The following ARHGAP10 variants were observed in gnomAD, a reference collection of about 807,000 sequenced individuals.
ARHGAP10 encodes Rho GTPase activating protein 10.
In ARHGAP10, 87 loss-of-function variants were observed where a neutral mutation model predicts 108.6. The ratio of observed to expected loss-of-function variants is 0.80; its 90% CI spans 0.67 to 0.96. ARHGAP10 has a LOEUF of 0.96. Ranked by LOEUF, ARHGAP10 falls within the 40% of genes least tolerant of loss-of-function variation. ARHGAP10 has a pLI of 0.00. For synonymous variants in ARHGAP10, 347 were observed against 341.1 expected, an observed-to-expected ratio of 1.02 and a Z score of -0.19; for missense variants, 939 against 954.5, an observed-to-expected ratio of 0.98 and a Z score of 0.21.
intron 1 of ARHGAP10, among the ~76,000 whole-genome samples, chr4:147,746,009 C>T (rs1232088796): frequency 6.6e-6 from 1 of 151,322 alleles, no homozygotes; most frequent in Non-Finnish European, 1.5e-5. Flanking sequence ...AGGCTTATCT[C>T]GAACTCCTGA....
chr4:147,965,854 A>G (rs1208958785), intron 17 of ARHGAP10, among the ~76,000 whole-genome samples: 1 of 152,214 alleles, frequency 6.6e-6, no homozygotes, highest in African/African-American at 2.4e-5. Flanking sequence ...AAATATGAAA[A>G]ACAGATTACA....
chr4:147,830,230 C>T (rs1466456641), intron 3 of ARHGAP10, among the ~76,000 whole-genome samples: 1 of 152,182 alleles, frequency 6.6e-6, no homozygotes, highest in African/African-American at 2.4e-5. Flanking sequence ...CCTGGGTGAC[C>T]TGCCCTGACC....
intron 7 of ARHGAP10, among the ~76,000 whole-genome samples, chr4:147,867,863 CAAAAAAA>C (rs56740685): frequency 1.6e-4 from 9 of 56,902 alleles, no homozygotes; most frequent in Non-Finnish European, 2.4e-4. Context: ...GACTCTGTCT[CAAAAAAA>C]AAAAAAAAAA....
At position 148,004,487 on chromosome 4, in the gene ARHGAP10, C is replaced by T. The variant is rs1052844699; in HGVS notation, c.1717-18776C>T. Among the ~76,000 whole-genome samples, 5 of 152,296 alleles carry T rather than the reference C, an allele frequency of 3.3e-5. No homozygotes were observed. In the South Asian group the frequency reaches 6.2e-4, roughly 19 times the overall value. ...TAACTTGATTCTACCCAGTAGAATA[C>T]AGCAGATGTAAATCTTTTATTATAT... On this transcript the variant is annotated intron_variant, in intron 18 of 22. Coordinates refer to ENST00000336498, the MANE Select transcript of ARHGAP10 (RefSeq NM_024605.4).
At chr4:147,837,872 T>A (rs184602756) in intron 3 of ARHGAP10, among the ~76,000 whole-genome samples, 1 of 152,016 alleles carries the variant, frequency 6.6e-6, no homozygotes, top group East Asian at 1.9e-4. Context: ...TGTTCCTGTA[T>A]GTGCCTGATT....
chr4:147,810,322 T>A (rs1731969673), intron 1 of ARHGAP10, among the ~76,000 whole-genome samples: 1 of 152,252 alleles, frequency 6.6e-6, no homozygotes, highest in South Asian at 2.1e-4. Context: ...TAGTGATTTC[T>A]ATTTATTTTG....
intron 21 of ARHGAP10, among the ~76,000 whole-genome samples, chr4:148,064,189 T>G (rs185770320): frequency 6.6e-6 from 1 of 152,270 alleles, no homozygotes; most frequent in Non-Finnish European, 1.5e-5. Context: ...CAGTGACAGC[T>G]CCTCAGAGAG....
intron 11 of ARHGAP10, 35 bp from the exon 12 acceptor site, chr4:147,909,697 T>C: frequency 2.5e-6 from 4 of 1,575,744 alleles, no homozygotes; most frequent in Non-Finnish European, 3.5e-6. Context: ...GCTGATTTGA[T>C]TAAAAAATTC....
intron 1 of ARHGAP10, among the ~76,000 whole-genome samples, chr4:147,742,908 T>TC (rs930078313): frequency 6.6e-6 from 1 of 151,490 alleles, no homozygotes; most frequent in Non-Finnish European, 1.5e-5. Context: ...GAAAGCCTTT[T>TC]TTTTTTTTTT....
At chr4:148,043,744 ATGTATATATGTATATATATG>A (rs1728750120) in intron 19 of ARHGAP10, among the ~76,000 whole-genome samples, 1 of 136,260 alleles carries the variant, frequency 7.3e-6, no homozygotes. Flanking sequence ...GTGTATATAT[ATGTATATATGTATATATATG>A]TGTATATATA....
At chr4:147,760,277 A>G (rs1394550727) in intron 1 of ARHGAP10, among the ~76,000 whole-genome samples, 1 of 152,232 alleles carries the variant, frequency 6.6e-6, no homozygotes, top group African/African-American at 2.4e-5. Context: ...GATTTTCACA[A>G]TAACTGAAGG....
intron 1 of ARHGAP10, among the ~76,000 whole-genome samples, chr4:147,791,542 G>A (rs918657793): frequency 5.3e-5 from 8 of 151,980 alleles, no homozygotes; most frequent in East Asian, 1.9e-4. Context: ...GTGCGCGCGC[G>A]TGCGTGCGCG....
At chr4:147,968,842 C>T (rs962450175) in intron 18 of ARHGAP10, among the ~76,000 whole-genome samples, 8 of 151,958 alleles carry the variant, frequency 5.3e-5, no homozygotes, top group Admixed American at 1.3e-4. Flanking sequence ...TAGTAGGTGC[C>T]GGATGTGCAG....
At chr4:147,991,156 A>C (rs1740258985) in intron 18 of ARHGAP10, among the ~76,000 whole-genome samples, 1 of 151,900 alleles carries the variant, frequency 6.6e-6, no homozygotes, top group Admixed American at 6.6e-5. Context: ...AAAAAAAAAA[A>C]AAAATAAATA....
chr4:147,955,812 G>A (rs372837582), intron 16 of ARHGAP10, among the ~76,000 whole-genome samples: 26 of 152,196 alleles, frequency 1.7e-4, no homozygotes, highest in African/African-American at 6.0e-4. Context: ...CAGATACTCG[G>A]ATCTAAATTA....
intron 19 of ARHGAP10, among the ~76,000 whole-genome samples, chr4:148,026,360 A>G (rs553109842): frequency 6.6e-6 from 1 of 152,150 alleles, no homozygotes; most frequent in Non-Finnish European, 1.5e-5. Context: ...ATGAAGCCGG[A>G]GGGGAGATCC....
intron 19 of ARHGAP10, among the ~76,000 whole-genome samples, chr4:148,030,116 G>C (rs1371323300): frequency 4.2e-5 from 6 of 141,332 alleles, no homozygotes; most frequent in African/African-American, 1.3e-4. Context: ...TGTGGAGGAG[G>C]AAAAAAAAAA....
At position 148,017,652 on chromosome 4, in the gene ARHGAP10, CTATATA is replaced by C. The variant is rs35472561; in HGVS notation, c.1717-5585_1717-5580del. Among the ~76,000 whole-genome samples, 485 of 105,316 alleles carry C rather than the reference CTATATA, an allele frequency of 4.6e-3. 2 individuals carry two copies. The highest frequency in any genetic ancestry group is 0.028 in the Middle Eastern group (6 of 218). 69.1% of individuals were successfully genotyped at this position (105,316 alleles called of 152,430 possible). ...AGCTGTGACAGTTATGAGCCAGTAA[CTATATA>C]TATATATATATATATATATATATAT... On this transcript the variant is annotated intron_variant, in intron 18 of 22. Coordinates refer to ENST00000336498, the MANE Select transcript of ARHGAP10 (RefSeq NM_024605.4).
At chr4:147,873,697 C>T (rs944635399) in intron 7 of ARHGAP10, among the ~76,000 whole-genome samples, 11 of 148,368 alleles carry the variant, frequency 7.4e-5, no homozygotes, top group African/African-American at 2.5e-4. Context: ...CACACACACA[C>T]ACACACACAC....
Sources: allele counts gnomAD v4.1 joint callset (sites outside exome capture counted in the v4.1 genomes callset), GRCh38; gene constraint gnomAD v4.1.1; transcripts MANE v1.5; gene names NCBI Gene and HGNC (gene_info 2026-07-23, HGNC 2026-07-21).